The following TDRD5 variants were observed in gnomAD, a reference collection of about 807,000 sequenced individuals.
TDRD5 encodes the protein tudor domain containing 5, also known as tudor domain-containing protein 5.
In TDRD5, 41 loss-of-function variants were observed where a neutral mutation model predicts 120.6. The ratio of observed to expected loss-of-function variants is 0.34; its 90% CI spans 0.26 to 0.44. The LOEUF is 0.44. Ranked by LOEUF, TDRD5 falls within the 20% of genes least tolerant of loss-of-function variation. The pLI, the probability that TDRD5 is intolerant of heterozygous loss-of-function variation, is 1.00. For missense variants in TDRD5, 1,006 were observed against 1,221.2 expected, an observed-to-expected ratio of 0.82 and a Z score of 2.63; for synonymous variants, 430 against 433.7, an observed-to-expected ratio of 0.99 and a Z score of 0.11.
chr1:179,675,068 C>A (rs1680054022), intron 17 of TDRD5, among the ~76,000 whole-genome samples: 3 of 151,716 alleles, frequency 2.0e-5, no homozygotes, highest in African/African-American at 7.3e-5. Flanking sequence ...TATTTCCTTT[C>A]TTCTGCTGAG....
intron 12 of TDRD5, among the ~76,000 whole-genome samples, chr1:179,651,633 G>A (rs1678716148): frequency 6.6e-6 from 1 of 152,190 alleles, no homozygotes; most frequent in African/African-American, 2.4e-5. Flanking sequence ...TGGAAGATAG[G>A]CTGGGCGTGG....
intron 17 of TDRD5, among the ~76,000 whole-genome samples, chr1:179,688,798 T>C (rs974566948): frequency 6.6e-6 from 1 of 152,246 alleles, no homozygotes; most frequent in African/African-American, 2.4e-5. Flanking sequence ...ATTCATTTGA[T>C]CTTCAGTCAC....
At chr1:179,641,764 C>T (rs919375477) in intron 11 of TDRD5, among the ~76,000 whole-genome samples, 1 of 152,108 alleles carries the variant, frequency 6.6e-6, no homozygotes, top group Non-Finnish European at 1.5e-5. Flanking sequence ...TTATTAAGTT[C>T]TCAATTTTAA....
intron 12 of TDRD5, among the ~76,000 whole-genome samples, chr1:179,651,757 C>CA (rs1678725547): frequency 6.6e-6 from 1 of 151,850 alleles, no homozygotes; most frequent in Non-Finnish European, 1.5e-5. Context: ...ACTAAAAATA[C>CA]AAAAAATTAG....
chr1:179,686,812 T>A (rs568336318), intron 17 of TDRD5, among the ~76,000 whole-genome samples: 10 of 152,346 alleles, frequency 6.6e-5, no homozygotes, highest in Non-Finnish European at 1.3e-4. Flanking sequence ...TCTTCTAGAT[T>A]TTCTAGTTTA....
intron 17 of TDRD5, among the ~76,000 whole-genome samples, chr1:179,686,958 G>T (rs185855189): frequency 6.6e-6 from 1 of 152,058 alleles, no homozygotes; most frequent in East Asian, 1.9e-4. Context: ...TCTTGCTAGT[G>T]TTCTATCTCC....
At position 179,643,858 on chromosome 1, in the gene TDRD5, G is replaced by C. The variant is rs1033367569; in HGVS notation, c.1800+3413G>C. On this transcript the variant is annotated intron_variant, in intron 11 of 17. Transcript: ENST00000444136. ...AGTCAAGAATATCAACAAACTCCAA[G>C]CAGAATAAATACAAAGAAAACCATA... Among the ~76,000 whole-genome samples the C allele has an allele frequency of 4.3e-4, 66 of 152,148 alleles. 1 individual carries two copies. Among genetic ancestry groups the C allele is most frequent in the African/African-American group, 1.6e-3 (65 of 41,534 alleles).
chr1:179,604,293 G>T (rs2101926633), intron 4 of TDRD5, among the ~76,000 whole-genome samples: 1 of 151,870 alleles, frequency 6.6e-6, no homozygotes, highest in South Asian at 2.1e-4. Context: ...TTTTCTAATG[G>T]TCTATTAATT....
At chr1:179,651,532 A>G (rs878970107) in intron 12 of TDRD5, among the ~76,000 whole-genome samples, 3 of 146,148 alleles carry the variant, frequency 2.1e-5, no homozygotes, top group Admixed American at 7.1e-5. Flanking sequence ...CTATTTTGCA[A>G]TTATTGATAG....
Position 179,592,742 on chromosome 1 carries a change from C to T in TDRD5, c.127C>T (p.Leu43=). The T allele has an allele frequency of 6.2e-7, 1 of 1,614,144 alleles. No homozygotes were observed. The highest frequency in any genetic ancestry group is 8.5e-7 in the Non-Finnish European group (1 of 1,180,032). ...GTACCTTTTGATGGTTGGCAACCAT[C>T]TACCACTCCGAATCCTTGGGTATCG... ...KEYLLMVGNH[L]PLRILGYRST... The change falls in exon 2 of 18, where the codon CTA becomes TTA. Residue 43 remains leucine (L), a synonymous_variant. Transcript: ENST00000444136.
At chr1:179,636,014 T>A in intron 9 of TDRD5, 127 bp downstream of exon 9, 1 of 630,678 alleles carries the variant, frequency 1.6e-6, no homozygotes, top group Non-Finnish European at 2.4e-6. Flanking sequence ...GTATTTATTG[T>A]ATAGAAATTA....
At chr1:179,657,319 A>T (rs996271186) in intron 14 of TDRD5, among the ~76,000 whole-genome samples, 4 of 152,114 alleles carry the variant, frequency 2.6e-5, no homozygotes, top group African/African-American at 9.7e-5. Context: ...AGTATACAGG[A>T]TCTGTACATG....
At chr1:179,615,439 T>C (rs571386764) in intron 4 of TDRD5, among the ~76,000 whole-genome samples, 1 of 152,356 alleles carries the variant, frequency 6.6e-6, no homozygotes, top group South Asian at 2.1e-4. Context: ...TGATTCATTT[T>C]TCTGAAGAGT....
intron 6 of TDRD5, among the ~76,000 whole-genome samples, chr1:179,629,822 T>C (rs1242282936): frequency 3.3e-5 from 5 of 152,202 alleles, no homozygotes; most frequent in Non-Finnish European, 7.3e-5. Context: ...TTAAGACATA[T>C]GAAATGTTTT....
chr1:179,643,730 G>A (rs1678183466), intron 11 of TDRD5, among the ~76,000 whole-genome samples: 1 of 152,058 alleles, frequency 6.6e-6, no homozygotes. Flanking sequence ...TACCCCAACA[G>A]GTATGTAATT....
chr1:179,641,061 T>C (rs770774734), intron 11 of TDRD5, among the ~76,000 whole-genome samples: 4 of 152,164 alleles, frequency 2.6e-5, no homozygotes, highest in Non-Finnish European at 5.9e-5. Context: ...TTTTCATGTA[T>C]GTAGGTGCAT....
intron 17 of TDRD5, among the ~76,000 whole-genome samples, chr1:179,684,128 G>A (rs532308698): frequency 5.9e-4 from 90 of 151,966 alleles, no homozygotes; most frequent in African/African-American, 2.1e-3. Context: ...TACATGTGCC[G>A]TGTTGTTGTG....
intron 4 of TDRD5, among the ~76,000 whole-genome samples, chr1:179,597,332 C>CTTTTTTTTTTTTTTTTTTTTTTTTT (rs945509784): frequency 8.8e-5 from 11 of 125,568 alleles, no homozygotes; most frequent in Non-Finnish European, 1.2e-4. Context: ...TTCTTTTTTT[C>CTTTTTTTTTTTTTTTTTTTTTTTTT]TTTTTTTTTT....
chr1:179,660,440 T>A (rs1679252286), intron 14 of TDRD5, among the ~76,000 whole-genome samples: 2 of 151,936 alleles, frequency 1.3e-5, no homozygotes, highest in African/African-American at 4.8e-5. Context: ...CAGGATGGTC[T>A]CAATCTCCTG....
Sources: gnomAD v4.1 joint callset for allele counts (sites outside exome capture counted in the v4.1 genomes callset) on GRCh38, gnomAD v4.1.1 for gene constraint, MANE v1.5 for transcripts, NCBI Gene and HGNC (gene_info 2026-07-23, HGNC 2026-07-21) for gene names.